The following IGSF21 variants were observed in gnomAD, a reference collection of about 807,000 sequenced individuals.
IGSF21 encodes immunoglobin superfamily member 21.
A neutral mutation model predicts 46.8 loss-of-function variants in IGSF21; 28 were observed. That is an observed-to-expected ratio of 0.60 (90% confidence interval 0.44 to 0.82). IGSF21 has a LOEUF of 0.82. Ranked by LOEUF, IGSF21 falls within the 40% of genes least tolerant of loss-of-function variation. The probability of loss-of-function intolerance (pLI) is 0.00; values close to 1 mark genes in which losing one functional copy is unlikely to be tolerated. For synonymous variants in IGSF21, 284 were observed against 273.6 expected (o/e 1.04, Z -0.38); for missense variants, 624 against 665.5 (o/e 0.94, Z 0.69).
chr1:18,244,790 G>A (rs1030724882), intron 2 of IGSF21, among the ~76,000 whole-genome samples: 2 of 152,118 alleles, frequency 1.3e-5, no homozygotes, highest in Non-Finnish European at 2.9e-5. Flanking sequence ...GCATTATGAT[G>A]TGAAAATATT....
chr1:18,229,294 G>A, intron 2 of IGSF21, among the ~76,000 whole-genome samples: 1 of 152,062 alleles, frequency 6.6e-6, no homozygotes, highest in East Asian at 1.9e-4. Flanking sequence ...CTGCTCCTTG[G>A]AGCTGTCACC....
At chr1:18,325,407 A>T (rs1026721404) in intron 3 of IGSF21, among the ~76,000 whole-genome samples, 2 of 152,012 alleles carry the variant, frequency 1.3e-5, no homozygotes, top group Non-Finnish European at 2.9e-5. Context: ...GGATGGACTG[A>T]GGGGGAGGGA....
chr1:18,375,149 T>C (rs566130417), intron 6 of IGSF21, among the ~76,000 whole-genome samples: 1 of 152,220 alleles, frequency 6.6e-6, no homozygotes, highest in African/African-American at 2.4e-5. Context: ...CATGGAGCAC[T>C]GTCACTCTCA....
intron 4 of IGSF21, among the ~76,000 whole-genome samples, chr1:18,356,158 A>C (rs1383392115): frequency 6.6e-6 from 1 of 152,168 alleles, no homozygotes; most frequent in Non-Finnish European, 1.5e-5. Flanking sequence ...TTACTAATAC[A>C]ATTACGACTA....
intron 1 of IGSF21, among the ~76,000 whole-genome samples, chr1:18,125,174 G>T (rs1444717378): frequency 3.3e-5 from 5 of 152,194 alleles, no homozygotes; most frequent in African/African-American, 9.6e-5. Flanking sequence ...ACTCCCAGCT[G>T]CCCCAGGGCC....
At chr1:18,178,058 G>A (rs1399262956) in intron 1 of IGSF21, among the ~76,000 whole-genome samples, 3 of 152,058 alleles carry the variant, frequency 2.0e-5, no homozygotes, top group East Asian at 3.9e-4. Flanking sequence ...GAAGTGTGAG[G>A]TTGTCAGGAA....
At chr1:18,256,569 C>T (rs1315945707) in intron 2 of IGSF21, among the ~76,000 whole-genome samples, 2 of 152,078 alleles carry the variant, frequency 1.3e-5, no homozygotes, top group Non-Finnish European at 1.5e-5. Flanking sequence ...CTGGCGGTGC[C>T]CTGTGCGCTT....
intron 2 of IGSF21, among the ~76,000 whole-genome samples, chr1:18,228,856 C>T (rs1375371435): frequency 2.0e-5 from 3 of 152,170 alleles, no homozygotes; most frequent in Non-Finnish European, 4.4e-5. Context: ...CAGTCTTGGT[C>T]ACAGTTACTC....
chr1:18,202,171 C>G (rs184376073), intron 1 of IGSF21, among the ~76,000 whole-genome samples: 1 of 152,238 alleles, frequency 6.6e-6, no homozygotes, highest in East Asian at 1.9e-4. Context: ...TCAATTTTCC[C>G]CTGATGAGAA....
At chr1:18,257,298 A>G (rs1475375724) in intron 2 of IGSF21, among the ~76,000 whole-genome samples, 1 of 152,162 alleles carries the variant, frequency 6.6e-6, no homozygotes, top group Non-Finnish European at 1.5e-5. Flanking sequence ...TATTTTACCA[A>G]ACTACAGCAG....
chr1:18,312,866 C>T (rs1384510719), intron 3 of IGSF21, among the ~76,000 whole-genome samples: 2 of 152,248 alleles, frequency 1.3e-5, no homozygotes, highest in African/African-American at 2.4e-5. Context: ...GTGGTTATCA[C>T]TGTGACAATC....
chr1:18,203,224 G>A (rs1252788647), intron 1 of IGSF21, among the ~76,000 whole-genome samples: 1 of 152,208 alleles, frequency 6.6e-6, no homozygotes, highest in Non-Finnish European at 1.5e-5. Flanking sequence ...CAGGGATGCT[G>A]CAACAAGCAG....
intron 3 of IGSF21, among the ~76,000 whole-genome samples, chr1:18,324,911 G>A (rs1038239946): frequency 1.3e-5 from 2 of 152,200 alleles, no homozygotes; most frequent in Admixed American, 1.3e-4. Context: ...CTGAAACTTC[G>A]CCTTCACAGG....
chr1:18,271,563 C>CA (rs1331409392), intron 2 of IGSF21, among the ~76,000 whole-genome samples: 1 of 152,208 alleles, frequency 6.6e-6, no homozygotes, highest in South Asian at 2.1e-4. Context: ...TTTCCTCCTC[C>CA]ATCTGATAGC....
In IGSF21 at chr1:18,150,955, C is replaced by T. The variant is rs527904682; in HGVS notation, c.70+42757C>T. Among the ~76,000 whole-genome samples the T allele has an allele frequency of 4.3e-4, 66 of 152,240 alleles. 1 individual carries two copies. Among genetic ancestry groups the T allele is most frequent in the Middle Eastern group, 6.8e-3 (2 of 294 alleles). ...CATCAGCCTCCCAGCTTAGTGCCAT[C>T]GGGAAAAAAAGCAGGGGTGGTGCCT... is the stretch of plus-strand genomic sequence containing the variant. On this transcript the variant is annotated intron_variant, in intron 1 of 9. Coordinates refer to ENST00000251296, the MANE Select transcript of IGSF21 (RefSeq NM_032880.5).
intron 2 of IGSF21, among the ~76,000 whole-genome samples, chr1:18,273,458 C>CTTTCTT (rs1336491699): frequency 2.1e-4 from 10 of 47,472 alleles, no homozygotes; most frequent in African/African-American, 1.0e-3. Context: ...TTCTTTCTTT[C>CTTTCTT]TCTCTCTTTC....
rs763134773 is a variant in IGSF21, at chr1:18,365,297, C to A, written c.615C>A (p.Pro205=). Reference sequence around the variant, plus strand: ...AGCCACCAGCTGCGAGCTCCGGCCCCCTACAGGACAGCAGGCCCTTCCGCA... The same window carrying A: ...AGCCACCAGCTGCGAGCTCCGGCCCACTACAGGACAGCAGGCCCTTCCGCA... ...LSEPPAASSG[P]LQDSRPFRSL... is the part of the protein sequence containing the mutation. The change falls in exon 6 of 10, where the codon CCC becomes CCA. Residue 205 remains proline (P), a synonymous_variant. Transcript: ENST00000251296. This position sits in a 1 kb window ranked among gnomAD's most constrained non-coding sequence, Gnocchi z 4.8. 1 of 1,614,094 alleles carries A rather than the reference C, an allele frequency of 6.2e-7. No homozygotes were observed.
rs531479984 is a variant in IGSF21, at chr1:18,338,477, T to G, written c.424+3467T>G. On this transcript the variant is annotated intron_variant, in intron 4 of 9. Coordinates refer to ENST00000251296, the MANE Select transcript of IGSF21 (RefSeq NM_032880.5). ...AGACAGACCCTCCCCAGTTTGGAGG[T>G]CAATGGGAAGCTCCCAGGACAGTGG... Among the ~76,000 whole-genome samples the G allele has an allele frequency of 1.2e-4, 18 of 151,830 alleles. No individual in the cohort carries two copies. The South Asian group carries it at 3.6e-3, about 30-fold the overall frequency.
intron 1 of IGSF21, among the ~76,000 whole-genome samples, chr1:18,164,797 C>T (rs1271927293): frequency 2.0e-5 from 3 of 151,628 alleles, no homozygotes; most frequent in Non-Finnish European, 4.4e-5. Flanking sequence ...AGGTTTGTTA[C>T]ATATGTATAC....
Sources: allele counts gnomAD v4.1 joint callset (sites outside exome capture counted in the v4.1 genomes callset), GRCh38; gene constraint gnomAD v4.1.1; non-coding constraint Gnocchi (gnomAD v3.1); transcripts MANE v1.5; gene names NCBI Gene and HGNC (gene_info 2026-07-23, HGNC 2026-07-21).